Variants in RGS6 observed in about 807,000 individuals in gnomAD.
RGS6 encodes the protein regulator of G-protein signaling 6.
In RGS6, 30 loss-of-function variants were observed where a neutral mutation model predicts 78.5. The ratio of observed to expected loss-of-function variants is 0.38; its 90% CI spans 0.29 to 0.52. The LOEUF (loss-of-function observed/expected upper bound fraction) is 0.52. RGS6 is among the 20% of genes least tolerant of loss of function. RGS6 has a pLI of 0.85. For missense variants in RGS6, 495 were observed against 609.7 expected, an observed-to-expected ratio of 0.81 and a Z score of 1.98; for synonymous variants, 206 against 206.0, an observed-to-expected ratio of 1.00 and a Z score of 0.00.
intron 2 of RGS6, among the ~76,000 whole-genome samples, chr14:72,312,613 G>C (rs979805079): frequency 6.6e-6 from 1 of 152,178 alleles, no homozygotes; most frequent in Non-Finnish European, 1.5e-5. Flanking sequence ...CTGTAACATA[G>C]TTATGCGTAG....
chr14:71,942,523 A>T (rs2090775570), intron 1 of RGS6, among the ~76,000 whole-genome samples: 1 of 152,108 alleles, frequency 6.6e-6, no homozygotes, highest in South Asian at 2.1e-4. Context: ...ATGAATGAAG[A>T]AATGTAAAAC....
At chr14:72,087,409 G>A (rs946613136) in intron 2 of RGS6, among the ~76,000 whole-genome samples, 2 of 152,108 alleles carry the variant, frequency 1.3e-5, no homozygotes, top group South Asian at 2.1e-4. Flanking sequence ...GGAATTACAG[G>A]TATGAGCCAC....
chr14:72,037,770 A>G (rs2091919421), intron 2 of RGS6, among the ~76,000 whole-genome samples: 1 of 152,198 alleles, frequency 6.6e-6, no homozygotes, highest in Non-Finnish European at 1.5e-5. Flanking sequence ...TACACGTTAC[A>G]GGGTGTGTTA....
rs78777032 is a variant in RGS6, at chr14:72,091,136, G to C, written c.84+126261G>C. 2.2e-4 allele frequency among the ~76,000 whole-genome samples: 33 copies of C among 152,072 alleles called. No homozygotes were observed. The South Asian group carries it at 6.9e-3, about 32-fold the overall frequency. Reference sequence around the variant, plus strand: ...CCAGGGAGGGGACTTCACACTGGCTGTCTCCACAGATCTGCAGTGCCCTTG... The same window carrying C: ...CCAGGGAGGGGACTTCACACTGGCTCTCTCCACAGATCTGCAGTGCCCTTG... On this transcript the variant is annotated intron_variant, in intron 2 of 17. Coordinates refer to ENST00000553525, the MANE Select transcript of RGS6 (RefSeq NM_001204424.2).
chr14:72,576,138 G>A, the RGS6 span, among the ~76,000 whole-genome samples: 1 of 152,318 alleles, frequency 6.6e-6, no homozygotes, highest in East Asian at 1.9e-4. Flanking sequence ...ATTGAGGAAA[G>A]CTCTCTTGTC....
At chr14:72,059,276 A>G (rs753103699) in intron 2 of RGS6, among the ~76,000 whole-genome samples, 8 of 152,158 alleles carry the variant, frequency 5.3e-5, no homozygotes, top group Non-Finnish European at 1.0e-4. Flanking sequence ...AGCTCTTACA[A>G]TGCCTTTGTT....
the RGS6 span, among the ~76,000 whole-genome samples, chr14:72,576,513 A>G: frequency 6.6e-6 from 1 of 152,248 alleles, no homozygotes; most frequent in African/African-American, 2.4e-5. Flanking sequence ...AATGCTTTCA[A>G]CACCTTGAAA....
chr14:72,338,607 A>G (rs547563768), intron 2 of RGS6, among the ~76,000 whole-genome samples: 37 of 152,242 alleles, frequency 2.4e-4, no homozygotes, highest in Non-Finnish European at 4.9e-4. Flanking sequence ...TTTTCTACAT[A>G]GGTAGGGGAG....
chr14:72,385,372 T>C (rs774099808), intron 3 of RGS6, among the ~76,000 whole-genome samples: 2 of 152,204 alleles, frequency 1.3e-5, no homozygotes, highest in Non-Finnish European at 2.9e-5. Context: ...TCAAGACTGC[T>C]GATGTAAAAT....
At chr14:71,978,637 T>G (rs1475945099) in intron 2 of RGS6, among the ~76,000 whole-genome samples, 1 of 145,554 alleles carries the variant, frequency 6.9e-6, no homozygotes, top group East Asian at 2.0e-4. Context: ...TGGATAAGCT[T>G]TTTGATGTGC....
At chr14:72,060,512 A>G (rs2093842326) in intron 2 of RGS6, among the ~76,000 whole-genome samples, 2 of 152,060 alleles carry the variant, frequency 1.3e-5, no homozygotes, top group Admixed American at 6.6e-5. Flanking sequence ...ATTTCTGTAT[A>G]GTTACCAATG....
chr14:72,446,646 T>C (rs1345317169), intron 3 of RGS6, among the ~76,000 whole-genome samples: 3 of 152,218 alleles, frequency 2.0e-5, no homozygotes, highest in Non-Finnish European at 4.4e-5. Context: ...TTTCTATTAT[T>C]ACATTATAAC....
chr14:71,910,052 T>C, the RGS6 span, among the ~76,000 whole-genome samples: 13 of 152,050 alleles, frequency 8.5e-5, no homozygotes, highest in Non-Finnish European at 1.2e-4. Flanking sequence ...TAGCCAGGTG[T>C]GGTGGCACGC....
rs1369487495 is a variant in RGS6 at position 72,033,390 on chromosome 14, T to C, written c.84+68515T>C. Among the ~76,000 whole-genome samples the C allele has an allele frequency of 4.6e-5, 7 of 152,136 alleles. No individual in the cohort carries two copies. In the East Asian group the frequency reaches 1.4e-3, roughly 29 times the overall value. On this transcript the variant is annotated intron_variant, in intron 2 of 17. Transcript: ENST00000553525. ...CTGGGACTACAGGCATGAGCCACCA[T>C]GTCTGGCTATTTTTTTTTATTATTT...
intron 2 of RGS6, among the ~76,000 whole-genome samples, chr14:72,123,894 T>C (rs1285281041): frequency 1.3e-5 from 2 of 152,234 alleles, no homozygotes; most frequent in Non-Finnish European, 2.9e-5. Flanking sequence ...AGCTGTTCCC[T>C]GTCCCTCATT....
intron 2 of RGS6, among the ~76,000 whole-genome samples, chr14:72,211,560 G>T (rs950424264): frequency 6.6e-6 from 1 of 152,152 alleles, no homozygotes; most frequent in Non-Finnish European, 1.5e-5. Context: ...GGAGATATTT[G>T]AATAGGTTCA....
the RGS6 span, among the ~76,000 whole-genome samples, chr14:71,903,067 C>G: frequency 6.6e-6 from 1 of 152,314 alleles, no homozygotes; most frequent in East Asian, 1.9e-4. Context: ...TTAGGTATGG[C>G]AGGGTTAAGC....
At chr14:72,003,877 C>T (rs2083987306) in intron 2 of RGS6, among the ~76,000 whole-genome samples, 1 of 152,106 alleles carries the variant, frequency 6.6e-6, no homozygotes, top group Non-Finnish European at 1.5e-5. Flanking sequence ...GGTTCAGCTC[C>T]CAGGACGGCG....
At chr14:72,163,692 G>A (rs2096884004) in intron 2 of RGS6, among the ~76,000 whole-genome samples, 1 of 152,092 alleles carries the variant, frequency 6.6e-6, no homozygotes, top group Non-Finnish European at 1.5e-5. Flanking sequence ...AGACCAGCCT[G>A]GCCAACGTGG....
Sources: allele counts gnomAD v4.1 joint callset (sites outside exome capture counted in the v4.1 genomes callset), GRCh38; gene constraint gnomAD v4.1.1; transcripts MANE v1.5; gene names NCBI Gene and HGNC (gene_info 2026-07-23, HGNC 2026-07-21).